The following VWF variants were observed in gnomAD, a reference collection of about 807,000 sequenced individuals.
VWF encodes Factor VIII related antigen.
Under a neutral mutation model 308.6 loss-of-function variants are expected in VWF, and 176 were observed. The observed-to-expected ratio is 0.57, with a 90% confidence interval of 0.50 to 0.65. VWF has a LOEUF of 0.65. Among genes scored for constraint, VWF ranks in the 30% least tolerant of loss-of-function variants. The pLI, the probability that VWF is intolerant of heterozygous loss-of-function variation, is 0.00. For missense variants in VWF, 3,146 were observed against 3,648.2 expected (o/e 0.86, Z 3.55); for synonymous variants, 1,385 against 1,443.4 (o/e 0.96, Z 0.92).
chr12:6,068,435 G>A (rs1048694484), intron 10 of VWF, among the ~76,000 whole-genome samples: 3 of 151,740 alleles, frequency 2.0e-5, no homozygotes, highest in African/African-American at 7.3e-5. Flanking sequence ...TGTCACCAAA[G>A]CCTGCAACAT....
chr12:6,052,844 C>T, intron 15 of VWF, 61 bp from the exon 16 acceptor site: 1 of 1,575,014 alleles, frequency 6.3e-7, no homozygotes, highest in Non-Finnish European at 8.6e-7. Flanking sequence ...GACTGTGGTT[C>T]TAGGACTTGC....
At chr12:5,969,413 C>A in intron 44 of VWF, 22 bp from the exon 45 acceptor site, 1 of 1,614,012 alleles carries the variant, frequency 6.2e-7, no homozygotes, top group Non-Finnish European at 8.5e-7. Context: ...CAGAGTTAGT[C>A]CAACAAGCTG....
intron 13 of VWF, among the ~76,000 whole-genome samples, chr12:6,059,904 G>A (rs1236639960): frequency 3.3e-5 from 5 of 152,222 alleles, no homozygotes; most frequent in Non-Finnish European, 5.9e-5. Flanking sequence ...TGGGCAAGGC[G>A]GCATAACTGG....
intron 34 of VWF, among the ~76,000 whole-genome samples, chr12:6,002,244 C>A (rs1279369468): frequency 6.6e-6 from 1 of 151,052 alleles, no homozygotes; most frequent in Non-Finnish European, 1.5e-5. Flanking sequence ...AAGCAGAAAT[C>A]CATAAAGTAG....
intron 42 of VWF, among the ~76,000 whole-genome samples, chr12:5,980,739 G>A (rs938724236): frequency 6.6e-6 from 1 of 151,532 alleles, no homozygotes; most frequent in African/African-American, 2.4e-5. Context: ...GAGGTCTTAA[G>A]CATTCCAGAC....
chr12:5,991,399 T>C (rs1489289851), intron 38 of VWF, among the ~76,000 whole-genome samples: 3 of 152,146 alleles, frequency 2.0e-5, no homozygotes, highest in Non-Finnish European at 2.9e-5. Context: ...AAATACACCT[T>C]TGAAAAACAC....
intron 3 of VWF, among the ~76,000 whole-genome samples, chr12:6,118,611 T>A (rs547087185): frequency 1.3e-5 from 2 of 152,002 alleles, no homozygotes; most frequent in East Asian, 3.9e-4. Context: ...GGTCTCGATC[T>A]CCCAACCTCA....
At chr12:5,980,525 G>T (rs891389075) in intron 42 of VWF, among the ~76,000 whole-genome samples, 1 of 152,132 alleles carries the variant, frequency 6.6e-6, no homozygotes, top group Admixed American at 6.5e-5. Context: ...CATAAAAATG[G>T]GGAGTGGCAT....
intron 16 of VWF, among the ~76,000 whole-genome samples, chr12:6,051,055 C>T (rs892037726): frequency 2.8e-5 from 4 of 143,278 alleles, no homozygotes; most frequent in South Asian, 2.3e-4. Flanking sequence ...CTTTTTTAAT[C>T]GTTTATTTAT....
At chr12:6,028,732 G>C (rs216316) in intron 22 of VWF, among the ~76,000 whole-genome samples, 1 of 151,926 alleles carries the variant, frequency 6.6e-6, no homozygotes, top group South Asian at 2.1e-4. Flanking sequence ...TCACCACCAG[G>C]CCTGCCTTAC....
In VWF at chr12:6,036,462, C is replaced by A; in HGVS notation, c.2472G>T (p.Leu824=). ...MVRHENRCVA[L]ERCPCFHQGK... ...CCTGATGGAAGCAGGGACACCTTTCCAGGGCCACACATCTGTTCTCATGCC... is the reference window on the plus strand; with the variant it reads ...CCTGATGGAAGCAGGGACACCTTTCAAGGGCCACACATCTGTTCTCATGCC... The change falls in exon 19 of 52, where the codon CTG becomes CTT. Residue 824 remains leucine (L), a synonymous_variant. Coordinates refer to ENST00000261405, the MANE Select transcript of VWF (RefSeq NM_000552.5). 1 of 1,614,168 alleles carries A rather than the reference C, an allele frequency of 6.2e-7. No individual in the cohort carries two copies. The highest frequency in any genetic ancestry group is 8.5e-7 in the Non-Finnish European group (1 of 1,180,030).
intron 17 of VWF, among the ~76,000 whole-genome samples, chr12:6,045,333 G>T (rs868560598): frequency 1.3e-5 from 2 of 152,232 alleles, no homozygotes; most frequent in Non-Finnish European, 1.5e-5. Context: ...ACTCTTGTTA[G>T]AAAACTGAAA....
At chr12:6,102,916 C>T (rs1191870780) in intron 5 of VWF, among the ~76,000 whole-genome samples, 1 of 152,110 alleles carries the variant, frequency 6.6e-6, no homozygotes, top group African/African-American at 2.4e-5. Flanking sequence ...GAAAAACAGA[C>T]CGAATAGCCA....
chr12:5,959,976 G>A (rs1943294013), intron 47 of VWF, among the ~76,000 whole-genome samples: 1 of 149,436 alleles, frequency 6.7e-6, no homozygotes, highest in Non-Finnish European at 1.5e-5. Context: ...AATAAGGGCA[G>A]AAATCAATAA....
intron 6 of VWF, among the ~76,000 whole-genome samples, chr12:6,082,729 C>T (rs1426354301): frequency 6.6e-6 from 1 of 152,262 alleles, no homozygotes; most frequent in Non-Finnish European, 1.5e-5. Flanking sequence ...GACCATGAGG[C>T]AGGCCAGAGT....
At chr12:5,972,980 G>A (rs143733395) in intron 43 of VWF, among the ~76,000 whole-genome samples, 6 of 152,166 alleles carry the variant, frequency 3.9e-5, no homozygotes, top group Admixed American at 6.5e-5. Flanking sequence ...ATCGAGATTC[G>A]CATATTATTT....
At chr12:6,112,757 G>A (rs1439403405) in intron 3 of VWF, among the ~76,000 whole-genome samples, 2 of 152,056 alleles carry the variant, frequency 1.3e-5, no homozygotes, top group African/African-American at 2.4e-5. Context: ...AGCCAGGAGA[G>A]GAAGAGTCCC....
In VWF at chr12:6,110,656, C is replaced by A. The variant is rs1945298553; in HGVS notation, c.324-74G>T. On this transcript the variant is annotated intron_variant, in intron 4 of 51. Coordinates refer to ENST00000261405, the MANE Select transcript of VWF (RefSeq NM_000552.5). ...GGATGTCTCTCCCACCTTCTAACCC[C>A]AACCCCATGTTGTAGGGTTCAGAAC... 2.0e-6 allele frequency: 3 copies of A among 1,518,060 alleles called. No individual in the cohort carries two copies. The South Asian group carries it at 3.4e-5, about 17-fold the overall frequency. 94.0% of individuals were successfully genotyped at this position (1,518,060 alleles called of 1,614,324 possible).
chr12:5,976,791 T>C (rs1356502272), intron 42 of VWF, among the ~76,000 whole-genome samples: 1 of 152,072 alleles, frequency 6.6e-6, no homozygotes, highest in Admixed American at 6.5e-5. Context: ...AGGGATCCTA[T>C]TGGGAAGAAC....
Sources: gnomAD v4.1 joint callset for allele counts (sites outside exome capture counted in the v4.1 genomes callset) on GRCh38, gnomAD v4.1.1 for gene constraint, MANE v1.5 for transcripts, NCBI Gene and HGNC (gene_info 2026-07-23, HGNC 2026-07-21) for gene names.